PPIH: variants seen among roughly 807,000 people sequenced by gnomAD.
PPIH encodes peptidyl-prolyl cis-trans isomerase H.
PPIH carries 16 observed loss-of-function variants against 27.6 expected under a neutral mutation model. The observed-to-expected ratio is 0.58, with a 90% CI of 0.39 to 0.88. The LOEUF is 0.88. PPIH is among the 40% of genes least tolerant of loss of function. The pLI, the probability that PPIH is intolerant of heterozygous loss-of-function variation, is 0.00. For missense variants in PPIH, 155 were observed against 224.1 expected, an observed-to-expected ratio of 0.69 and a Z score of 1.97; for synonymous variants, 63 against 76.1, an observed-to-expected ratio of 0.83 and a Z score of 0.90.
chr1:42,671,922 C>T (rs370763124), intron 9 of PPIH, among the ~76,000 whole-genome samples: 6 of 149,124 alleles, frequency 4.0e-5, no homozygotes, highest in Admixed American at 2.7e-4. Flanking sequence ...CTTGCTCTGT[C>T]GCCCAGGCTA....
At chr1:42,661,083 A>C in intron 5 of PPIH, 179 bp downstream of exon 5, 1 of 583,586 alleles carries the variant, frequency 1.7e-6, no homozygotes, top group Non-Finnish European at 3.0e-6. Context: ...GGTACGACTG[A>C]CTGTAGATAA....
Position 42,666,488 on chromosome 1 carries a change from T to A in PPIH, c.425-59T>A, listed in dbSNP as rs1464479221. 3.2e-6 allele frequency: 5 copies of A among 1,541,012 alleles called. No individual in the cohort carries two copies. The African/African-American group carries it at 5.5e-5, about 17-fold the overall frequency. ...TGAGAAAATAGCTAAGAATGGGCTT[T>A]GGAAGCTGGAAAATGCTATGTAAAC... is the stretch of plus-strand genomic sequence containing the variant. On this transcript the variant is annotated intron_variant, in intron 7 of 9. Transcript: ENST00000304979.
chr1:42,678,461 G>A (rs767645069), downstream of PPIH, among the ~76,000 whole-genome samples: 2 of 152,126 alleles, frequency 1.3e-5, no homozygotes, highest in Non-Finnish European at 2.9e-5. Flanking sequence ...GTGCAATGGC[G>A]CGATCTTGGC....
At chr1:42,666,201 A>C (rs1254736994) in intron 7 of PPIH, 134 bp downstream of exon 7, 2 of 839,626 alleles carry the variant, frequency 2.4e-6, no homozygotes, top group Non-Finnish European at 3.9e-6. Context: ...GAAAACAGAA[A>C]TGGTGGGGAG....
chr1:42,673,447 G>A (rs1166464468), intron 9 of PPIH, among the ~76,000 whole-genome samples: 1 of 152,234 alleles, frequency 6.6e-6, no homozygotes, highest in African/African-American at 2.4e-5. Context: ...AGCTCTGCTA[G>A]TCTGATATGC....
At chr1:42,669,134 C>T (rs546292411) in intron 9 of PPIH, among the ~76,000 whole-genome samples, 6 of 150,142 alleles carry the variant, frequency 4.0e-5, no homozygotes, top group Admixed American at 3.3e-4. Flanking sequence ...TACTTGAGCC[C>T]AGGAGTTTGA....
downstream of PPIH, among the ~76,000 whole-genome samples, chr1:42,679,684 G>A (rs1649974787): frequency 6.6e-6 from 1 of 152,260 alleles, no homozygotes; most frequent in Non-Finnish European, 1.5e-5. Flanking sequence ...TAGAGGTGCT[G>A]CTGCAATATT....
rs374293387 is a variant in PPIH, at chr1:42,664,895, G to A, written c.276G>A (p.Arg92=). The change falls in exon 6 of 10, where the codon CGG becomes CGA. Residue 92 remains arginine (R), a synonymous_variant. Coordinates refer to ENST00000304979, the MANE Select transcript of PPIH (RefSeq NM_006347.4). ...GTACTGGAGTCGCCAGTATTTACCG[G>A]GGGCCATTTGCAGATGAAAATTTTA... The part of the protein sequence containing the change: ...GDGTGVASIY[R]GPFADENFKL... 1.2e-6 allele frequency: 2 copies of A among 1,613,560 alleles called. No homozygotes were observed. The highest frequency in any genetic ancestry group is 2.7e-5 in the African/African-American group (2 of 74,876).
At chr1:42,671,662 C>T (rs544772144) in intron 9 of PPIH, among the ~76,000 whole-genome samples, 1 of 152,110 alleles carries the variant, frequency 6.6e-6, no homozygotes, top group Admixed American at 6.5e-5. Flanking sequence ...TGAATTATCG[C>T]ATTTCACTTT....
At chr1:42,677,611 G>T (rs1649929157), downstream of PPIH, among the ~76,000 whole-genome samples, 1 of 152,228 alleles carries the variant, frequency 6.6e-6, no homozygotes, top group African/African-American at 2.4e-5. Context: ...AGAAGTTCAA[G>T]ACCTGCCTGG....
intron 6 of PPIH, 69 bp downstream of exon 6, chr1:42,665,024 G>T: frequency 7.7e-7 from 1 of 1,297,818 alleles, no homozygotes; most frequent in South Asian, 1.2e-5. Context: ...GAGGCCCAGT[G>T]CTGTCTCTTG....
At chr1:42,659,838 C>T (rs1648904844) in intron 4 of PPIH, among the ~76,000 whole-genome samples, 1 of 152,198 alleles carries the variant, frequency 6.6e-6, no homozygotes, top group Non-Finnish European at 1.5e-5. Context: ...AAAAAGTACA[C>T]TTGTAATCCT....
chr1:42,677,535 G>A (rs796992575), downstream of PPIH, among the ~76,000 whole-genome samples: 4 of 152,256 alleles, frequency 2.6e-5, no homozygotes, highest in African/African-American at 7.2e-5. Flanking sequence ...TTAGCTGGGT[G>A]CTGTAGCTCC....
chr1:42,674,018 C>T (rs966432600), intron 9 of PPIH, among the ~76,000 whole-genome samples: 2 of 152,250 alleles, frequency 1.3e-5, no homozygotes, highest in Non-Finnish European at 2.9e-5. Flanking sequence ...GTCCTCTATT[C>T]ATTCCACAAC....
Position 42,667,347 on chromosome 1 carries a change from C to T in PPIH, c.466-4C>T. The T allele has an allele frequency of 6.2e-7, 1 of 1,600,190 alleles. No individual in the cohort carries two copies. Among genetic ancestry groups the T allele is most frequent in the Non-Finnish European group, 8.6e-7 (1 of 1,167,600 alleles). On this transcript the variant is annotated splice_polypyrimidine_tract_variant and splice_region_variant and intron_variant, in intron 8 of 9. Transcript: ENST00000304979. ...ATGAATCTCCATTGTGCTTTTTTTC[C>T]TAGAATGTTCCCACAGGCCCCAACA...
At chr1:42,677,354 A>T (rs1406998181), downstream of PPIH, among the ~76,000 whole-genome samples, 1 of 152,154 alleles carries the variant, frequency 6.6e-6, no homozygotes, top group Admixed American at 6.5e-5. Context: ...CTGTAATCCC[A>T]GCCACCCATC....
downstream of PPIH, among the ~76,000 whole-genome samples, chr1:42,677,453 C>T (rs1283688257): frequency 3.9e-5 from 6 of 152,132 alleles, no homozygotes; most frequent in Admixed American, 1.3e-4. Flanking sequence ...GCCTGGGTGA[C>T]AGAGTGAGAC....
At chr1:42,681,146 C>T (rs1484397780), downstream of PPIH, 1 of 152,272 alleles carries the variant, frequency 6.6e-6, no homozygotes, top group East Asian at 1.9e-4. Context: ...AAAAGATGCC[C>T]CTCCCTACTT....
chr1:42,670,986 G>A (rs931132930), intron 9 of PPIH, among the ~76,000 whole-genome samples: 1 of 152,082 alleles, frequency 6.6e-6, no homozygotes, highest in Admixed American at 6.5e-5. Context: ...AGTAGAGACG[G>A]GGTTTCATCG....
Sources: gnomAD v4.1 joint callset for allele counts (sites outside exome capture counted in the v4.1 genomes callset) on GRCh38, gnomAD v4.1.1 for gene constraint, MANE v1.5 for transcripts, NCBI Gene and HGNC (gene_info 2026-07-23, HGNC 2026-07-21) for gene names.